SLIT2: variants seen among roughly 807,000 people sequenced by gnomAD.
SLIT2 encodes the protein slit homolog 2 protein.
A neutral mutation model predicts 185.7 loss-of-function variants in SLIT2; 41 were observed. The ratio of observed to expected loss-of-function variants is 0.22; its 90% confidence interval spans 0.17 to 0.29. The LOEUF (loss-of-function observed/expected upper bound fraction) is 0.29, where lower values mean the gene tolerates loss of function less well. Among genes scored for constraint, SLIT2 ranks in the 10% least tolerant of loss-of-function variants. The probability of loss-of-function intolerance (pLI) is 1.00; values close to 1 mark genes in which losing one functional copy is unlikely to be tolerated. For synonymous variants in SLIT2, 693 were observed against 680.2 expected, an observed-to-expected ratio of 1.02 and a Z score of -0.29; for missense variants, 1,571 against 1,909.0, an observed-to-expected ratio of 0.82 and a Z score of 3.30.
In SLIT2 at chr4:20,542,598, A is replaced by G; in HGVS notation, c.2248A>G (p.Lys750Glu). 6.2e-7 allele frequency: 1 copy of G among 1,613,876 alleles called. No individual in the cohort carries two copies. Among genetic ancestry groups the G allele is most frequent in the Non-Finnish European group, 8.5e-7 (1 of 1,179,816 alleles). ...CAACAAGGGTTTGAAGGTCTTGCCG[A>G]AAGGTATTCCAAGAGATGTCACAGA... ...CSNKGLKVLP[K>E]GIPRDVTELY... is the part of the protein sequence containing the mutation. The change falls in exon 21 of 37, where the codon AAA becomes GAA. Residue 750 changes from lysine to glutamate, a missense_variant. Transcript: ENST00000504154.
At chr4:20,338,688 T>A (rs1010447184) in intron 4 of SLIT2, among the ~76,000 whole-genome samples, 1 of 151,996 alleles carries the variant, frequency 6.6e-6, no homozygotes, top group Non-Finnish European at 1.5e-5. Flanking sequence ...AAGAGAAAAA[T>A]GAATGTACTG....
intron 4 of SLIT2, among the ~76,000 whole-genome samples, chr4:20,411,042 A>G (rs1162062371): frequency 1.3e-5 from 2 of 152,196 alleles, no homozygotes; most frequent in African/African-American, 4.8e-5. Flanking sequence ...CTTCCTATCC[A>G]TGAGCATGGA....
chr4:20,431,504 T>C (rs749278132), intron 4 of SLIT2, among the ~76,000 whole-genome samples: 13 of 152,184 alleles, frequency 8.5e-5, no homozygotes, highest in Admixed American at 1.3e-4. Context: ...ATAAATTTCA[T>C]GCTCTTTAAC....
At chr4:20,545,654 A>G (rs1723182251) in intron 21 of SLIT2, among the ~76,000 whole-genome samples, 2 of 152,190 alleles carry the variant, frequency 1.3e-5, no homozygotes, top group Non-Finnish European at 2.9e-5. Context: ...TAAGGCAGCA[A>G]TGAGTGGTCT....
intron 4 of SLIT2, among the ~76,000 whole-genome samples, chr4:20,457,249 T>G (rs2148723306): frequency 6.6e-6 from 1 of 152,114 alleles, no homozygotes; most frequent in Middle Eastern, 3.4e-3. Flanking sequence ...ATGGGATATG[T>G]CAACAAGGCA....
At chr4:20,438,235 T>G (rs946142119) in intron 4 of SLIT2, among the ~76,000 whole-genome samples, 1 of 152,168 alleles carries the variant, frequency 6.6e-6, no homozygotes, top group Non-Finnish European at 1.5e-5. Flanking sequence ...CAGTTGCCTC[T>G]GTATTAGTCC....
intron 7 of SLIT2, among the ~76,000 whole-genome samples, chr4:20,487,135 T>A (rs1333306481): frequency 6.6e-6 from 1 of 152,168 alleles, no homozygotes; most frequent in Non-Finnish European, 1.5e-5. Context: ...ATCTTTTTAA[T>A]GAACTAGGTA....
At chr4:20,479,245 A>G (rs1716446656) in intron 5 of SLIT2, among the ~76,000 whole-genome samples, 1 of 152,190 alleles carries the variant, frequency 6.6e-6, no homozygotes, top group Non-Finnish European at 1.5e-5. Flanking sequence ...TTGTCTATAT[A>G]CATAATTTCT....
At chr4:20,291,045 A>G (rs755929704) in intron 4 of SLIT2, among the ~76,000 whole-genome samples, 20 of 151,924 alleles carry the variant, frequency 1.3e-4, no homozygotes, top group Non-Finnish European at 2.5e-4. Context: ...TCAGCACCCA[A>G]CTATTTTTTT....
At chr4:20,533,492 G>C in intron 17 of SLIT2, 80 bp from the exon 18 acceptor site, 1 of 1,112,606 alleles carries the variant, frequency 9.0e-7, no homozygotes, top group South Asian at 1.5e-5. Context: ...TGGATCATTA[G>C]AAGAAAATTA....
chr4:20,488,061 T>G (rs1449901149), intron 7 of SLIT2, among the ~76,000 whole-genome samples: 1 of 152,168 alleles, frequency 6.6e-6, no homozygotes, highest in Non-Finnish European at 1.5e-5. Flanking sequence ...TTTACCTAAT[T>G]TAGTGGATAC....
At chr4:20,457,601 A>G (rs562532694) in intron 4 of SLIT2, among the ~76,000 whole-genome samples, 4 of 152,160 alleles carry the variant, frequency 2.6e-5, no homozygotes, top group African/African-American at 7.2e-5. Context: ...TTCCCCCTTT[A>G]TTATTTCAAA....
chr4:20,617,389 T>TA (rs1435663427), intron 35 of SLIT2, 50 bp from the exon 36 acceptor site: 4 of 1,539,590 alleles, frequency 2.6e-6, no homozygotes, highest in Non-Finnish European at 3.6e-6. Flanking sequence ...CGTTCATTCT[T>TA]ACCTCCTCTT....
chr4:20,258,448 TCAG>T, intron 3 of SLIT2, among the ~76,000 whole-genome samples: 2 of 151,838 alleles, frequency 1.3e-5, no homozygotes, highest in Admixed American at 1.3e-4. Context: ...TAATTACTTT[TCAG>T]TTTTATTTTA....
chr4:20,269,071 G>A (rs892323704), intron 4 of SLIT2, among the ~76,000 whole-genome samples, 190 bp downstream of exon 4: 4 of 151,916 alleles, frequency 2.6e-5, no homozygotes, highest in Middle Eastern at 3.4e-3. Flanking sequence ...TATTTGGTTA[G>A]GATTTAGCGG....
In SLIT2 at chr4:20,619,199, T is replaced by C; in HGVS notation, c.*190T>C. 1.7e-6 allele frequency: 1 copy of C among 573,722 alleles called. No individual in the cohort carries two copies. Among genetic ancestry groups the C allele is most frequent in the Non-Finnish European group, 2.9e-6 (1 of 345,832 alleles). The allele number at this position is 573,722 out of a possible 1,614,324, so 35.5% of individuals were successfully genotyped here. ...AAAAAAGAAATGCTTGAACTAAAGC[T>C]TCCCCTATGCTGGAGAAGTATGAAG... On this transcript the variant is annotated 3_prime_UTR_variant, in exon 37 of 37. Coordinates refer to ENST00000504154, the MANE Select transcript of SLIT2 (RefSeq NM_004787.4).
rs75438166 is a variant in SLIT2, at chr4:20,278,226, GT to G, written c.395+9356del. On this transcript the variant is annotated intron_variant, in intron 4 of 36. Transcript: ENST00000504154. Reference sequence around the variant, plus strand: ...CACACTGAAACAGAAATGCTTATCTGTTTTTTTTTTTGTTGTTGTTGTTTAA... The same window carrying G: ...CACACTGAAACAGAAATGCTTATCTGTTTTTTTTTTGTTGTTGTTGTTTAA... Among the ~76,000 whole-genome samples, 187 of 145,532 alleles carry G rather than the reference GT, an allele frequency of 1.3e-3. 1 individual carries two copies. The Middle Eastern group carries it at 0.018, about 14-fold the overall frequency.
intron 19 of SLIT2, among the ~76,000 whole-genome samples, chr4:20,540,917 A>G (rs535782123): frequency 1.3e-5 from 2 of 152,354 alleles, no homozygotes; most frequent in South Asian, 4.1e-4. Flanking sequence ...ATTCATTTTT[A>G]TAACTGGCAT....
intron 4 of SLIT2, among the ~76,000 whole-genome samples, chr4:20,463,485 A>ATGTG (rs1352510468): frequency 9.7e-5 from 9 of 92,786 alleles, no homozygotes; most frequent in African/African-American, 4.2e-4. Context: ...ATATATATAT[A>ATGTG]TATATATGTG....
Sources: gnomAD v4.1 joint callset for allele counts (sites outside exome capture counted in the v4.1 genomes callset) on GRCh38, gnomAD v4.1.1 for gene constraint, MANE v1.5 for transcripts, NCBI Gene and HGNC (gene_info 2026-07-23, HGNC 2026-07-21) for gene names.